PCM1: variants seen among roughly 807,000 people sequenced by gnomAD.
The protein encoded by PCM1 is pericentriolar material 1.
A neutral mutation model predicts 241.9 loss-of-function variants in PCM1; 157 were observed. The observed-to-expected ratio is 0.65, with a 90% CI of 0.57 to 0.74. The LOEUF (loss-of-function observed/expected upper bound fraction) is 0.74. Among genes scored for constraint, PCM1 ranks in the 30% least tolerant of loss-of-function variants. The pLI is 0.00. For missense variants in PCM1, 3,478 were observed against 2,360.1 expected, an observed-to-expected ratio of 1.47 and a Z score of -9.81; for synonymous variants, 1,085 against 784.9, an observed-to-expected ratio of 1.38 and a Z score of -6.39.
intron 17 of PCM1, 93 bp downstream of exon 17, chr8:17,963,384 G>A (rs2073422708): frequency 1.2e-6 from 1 of 804,244 alleles, no homozygotes; most frequent in Non-Finnish European, 1.9e-6. Context: ...CTACATCACA[G>A]CACAAATCTG....
In PCM1 at chr8:18,025,381, A is replaced by G; in HGVS notation, c.5862A>G (p.Ile1954Met). The change falls in exon 37 of 39, where the codon ATA (isoleucine) becomes ATG (methionine). Residue 1954 changes from isoleucine (I) to methionine (M), a missense_variant. Coordinates refer to ENST00000325083, the MANE Select transcript of PCM1 (RefSeq NM_006197.4). The part of the protein sequence containing the change: ...VNDYEAESGN[I>M]SQKSDEEDFV... ...TACAGGAAGCAGAATCTGGTAATAT[A>G]AGTCAAAAGTCTGATGAAGAAGATT... 3 of 1,596,312 alleles carry G rather than the reference A, an allele frequency of 1.9e-6. No homozygotes were observed. The highest frequency in any genetic ancestry group is 2.6e-6 in the Non-Finnish European group (3 of 1,166,900).
At chr8:17,967,240 C>A in intron 21 of PCM1, 70 bp downstream of exon 21, 2 of 1,073,176 alleles carry the variant, frequency 1.9e-6, no homozygotes, top group Non-Finnish European at 2.7e-6. Flanking sequence ...TTGTCTATTG[C>A]CTAGATGTTT....
intron 29 of PCM1, among the ~76,000 whole-genome samples, chr8:17,996,213 A>G (rs1046229869): frequency 3.9e-5 from 6 of 152,158 alleles, no homozygotes; most frequent in African/African-American, 9.7e-5. Flanking sequence ...TGTTTCTTCT[A>G]TACCCAGTTT....
At position 17,934,223 on chromosome 8, in the gene PCM1, G is replaced by A. The variant is rs375492366; in HGVS notation, c.-22-1366G>A. Among the ~76,000 whole-genome samples the A allele has an allele frequency of 2.0e-5, 3 of 151,584 alleles. No individual in the cohort carries two copies. In the East Asian group the frequency reaches 5.8e-4, roughly 29 times the overall value. On this transcript the variant is annotated intron_variant, in intron 2 of 38. Transcript: ENST00000325083. The stretch of plus-strand genomic sequence containing the variant: ...GATGAGTTAGGGTCTTAGAATTAAA[G>A]CAACTTGGATTTTTATCATTATTAC...
rs952181498 is a variant in PCM1, at chr8:18,027,248, G to GTGTT, written c.6050-386_6050-383dup. ...CCTTCTCAGTTGCAGCCTCTTGCAA[G>GTGTT]TGTTTGAACTGCAGCTTCCTCCACT... On this transcript the variant is annotated intron_variant, in intron 38 of 38. Transcript: ENST00000325083. Among the ~76,000 whole-genome samples the GTGTT allele has an allele frequency of 8.8e-5, 13 of 147,810 alleles. No homozygotes were observed. The South Asian group carries it at 1.1e-3, about 12-fold the overall frequency.
intron 1 of PCM1, among the ~76,000 whole-genome samples, chr8:17,923,408 C>T (rs920003112): frequency 3.3e-5 from 5 of 152,188 alleles, no homozygotes; most frequent in African/African-American, 4.8e-5. Context: ...GTGAGCACCT[C>T]GCGACGCGTT....
chr8:18,018,848 GTGTGTATA>G lies in PCM1; in HGVS notation c.5841+4010_5841+4017del, dbSNP rs372942614. On this transcript the variant is annotated intron_variant, in intron 36 of 38. Coordinates refer to ENST00000325083, the MANE Select transcript of PCM1 (RefSeq NM_006197.4). Reference sequence around the variant, plus strand: ...TATGTATATATATATATGTGTGTGTGTGTGTATATATATATATATATATATATATATAC... The same window carrying G: ...TATGTATATATATATATGTGTGTGTGTATATATATATATATATATATATAC... Among the ~76,000 whole-genome samples, 57 of 36,298 alleles carry G rather than the reference GTGTGTATA, an allele frequency of 1.6e-3. 1 individual carries two copies. Among genetic ancestry groups the G allele is most frequent in the African/African-American group, 4.3e-3 (46 of 10,710 alleles). The allele number at this position is 36,298 out of a possible 152,430, so 23.8% of individuals were successfully genotyped here.
chr8:17,955,436 T>TA (rs760781873), intron 9 of PCM1, 34 bp from the exon 10 acceptor site: 5 of 1,501,834 alleles, frequency 3.3e-6, no homozygotes, highest in Admixed American at 2.5e-5. Context: ...AACTGGTGAT[T>TA]AAAAAAAATT....
rs1230436323 is a variant in PCM1, at chr8:17,956,769, T to A, written c.1638T>A (p.Thr546=). The A allele has an allele frequency of 6.2e-7, 1 of 1,605,508 alleles. No homozygotes were observed. Among genetic ancestry groups the A allele is most frequent in the Non-Finnish European group, 8.5e-7 (1 of 1,174,926 alleles). ...AGCATGAAAATTCCGAGCCTGTTAC[T>A]AACATTCGGTAAGAACTTTTCTGGG... ...DSEHENSEPV[T]NIRNPQVAST... Residue 546 remains threonine (T), a synonymous_variant, in exon 11 of 39, where the codon ACT becomes ACA. Coordinates refer to ENST00000325083, the MANE Select transcript of PCM1 (RefSeq NM_006197.4).
chr8:17,951,206 C>T (rs1279000542), intron 8 of PCM1, among the ~76,000 whole-genome samples: 6 of 152,264 alleles, frequency 3.9e-5, no homozygotes, highest in Admixed American at 2.0e-4. Flanking sequence ...TAATTTGATG[C>T]ACTTTGTAAG....
At chr8:17,979,524 C>T (rs1320564534) in intron 23 of PCM1, among the ~76,000 whole-genome samples, 1 of 152,132 alleles carries the variant, frequency 6.6e-6, no homozygotes, top group East Asian at 1.9e-4. Context: ...GAGGAACGCT[C>T]TTCTCATAGT....
rs1201108227 is a variant in PCM1, at chr8:17,964,630, G to T, written c.2717G>T (p.Gly906Val). The T allele has an allele frequency of 3.1e-6, 5 of 1,613,922 alleles. No homozygotes were observed. Among genetic ancestry groups the T allele is most frequent in the Non-Finnish European group, 4.2e-6 (5 of 1,179,858 alleles). The change falls in exon 18 of 39, where the codon GGT (glycine) becomes GTT (valine). Residue 906 changes from glycine to valine, a missense_variant. By Grantham distance (109) the Gly-to-Val change is moderately radical. Transcript: ENST00000325083. The part of the protein sequence containing the change: ...CALDEEGDED[G>V]YLSEGIVRTD... ...CTAGATGAAGAAGGAGATGAAGACG[G>T]TTACCTTTCTGAAGGAATTGTTCGG...
rs2092568259 is a variant in PCM1 at position 18,011,884 on chromosome 8, C to G, written c.5511+57C>G. ...AGCCTTATTTTAACTAATCAAACTT[C>G]CATCAGCCTTATTTTAACTAATCAA... On this transcript the variant is annotated intron_variant, in intron 34 of 38. Transcript: ENST00000325083. The G allele has an allele frequency of 2.1e-6, 3 of 1,447,278 alleles. No homozygotes were observed. In the Admixed American group the frequency reaches 6.4e-5, roughly 31 times the overall value. 89.7% of individuals were successfully genotyped at this position (1,447,278 alleles called of 1,614,324 possible). A position where few individuals can be genotyped will look rare whatever the true frequency, so the allele number is the denominator to read the frequency against.
In PCM1 at chr8:18,011,361, C is replaced by T. The variant is rs1407540819; in HGVS notation, c.5345C>T (p.Ser1782Phe). 1.3e-6 allele frequency: 2 copies of T among 1,586,652 alleles called. No homozygotes were observed. Among genetic ancestry groups the T allele is most frequent in the East Asian group, 2.3e-5 (1 of 44,364 alleles). ...EDEESEGCPV[S>F]INLSKAETQA... ...GAAGAAAGTGAAGGATGTCCAGTGT[C>T]TATTAGTAAGTTTAAAGGCTCTGTA... The change falls in exon 33 of 39, where the codon TCT becomes TTT. Residue 1782 changes from serine (S) to phenylalanine (F), a missense_variant. By Grantham distance (155) the Ser-to-Phe change is radical. Coordinates refer to ENST00000325083, the MANE Select transcript of PCM1 (RefSeq NM_006197.4).
intron 36 of PCM1, among the ~76,000 whole-genome samples, chr8:18,020,292 G>A (rs1257818597): frequency 6.6e-6 from 1 of 152,138 alleles, no homozygotes; most frequent in Non-Finnish European, 1.5e-5. Flanking sequence ...TAAAAGCAGT[G>A]ACAGCAGCAG....
chr8:17,957,485 A>T (rs969385409), intron 12 of PCM1, 55 bp from the exon 13 acceptor site: 3 of 1,605,256 alleles, frequency 1.9e-6, no homozygotes, highest in South Asian at 2.2e-5. Flanking sequence ...GTTTTCGTTC[A>T]TGTGTGCTCT....
intron 24 of PCM1, among the ~76,000 whole-genome samples, chr8:17,982,381 T>C (rs2081160528): frequency 6.6e-6 from 1 of 152,160 alleles, no homozygotes; most frequent in Non-Finnish European, 1.5e-5. Flanking sequence ...ACATAGTACT[T>C]CAGGCCCTAT....
At position 17,948,992 on chromosome 8, in the gene PCM1, G is replaced by C. The variant is rs552715431; in HGVS notation, c.962-1623G>C. ...TTTGTGGCTTGCCTAGATTTATATAGAATTTTAGCAGAATTACATTTCTTG... is the reference window on the plus strand; with the variant it reads ...TTTGTGGCTTGCCTAGATTTATATACAATTTTAGCAGAATTACATTTCTTG... On this transcript the variant is annotated intron_variant, in intron 7 of 38. Transcript: ENST00000325083. Among the ~76,000 whole-genome samples the C allele has an allele frequency of 4.6e-5, 7 of 152,222 alleles. No individual in the cohort carries two copies. In the South Asian group the frequency reaches 1.0e-3, roughly 23 times the overall value.
In PCM1 at chr8:17,989,958, CCT is replaced by C; in HGVS notation, c.4511_4512del (p.Pro1504LeufsTer5). Reference sequence around the variant, plus strand: ...CCTGTCTGTATCATCAAATTTTGAGCCTTTTGCAACAGATGATCTAGGTAAGC... The same window carrying C: ...CCTGTCTGTATCATCAAATTTTGAGCTTTGCAACAGATGATCTAGGTAAGC... ...SVLSVSSNFE[P>X]FATDDLGNTV... On this transcript the variant is annotated frameshift_variant, in exon 27 of 39. Coordinates refer to ENST00000325083, the MANE Select transcript of PCM1 (RefSeq NM_006197.4). LOFTEE classifies it high-confidence loss of function. 6.5e-7 allele frequency: 1 copy of C among 1,532,638 alleles called. No homozygotes were observed. The highest frequency in any genetic ancestry group is 1.3e-5 in the South Asian group (1 of 79,348). The allele number at this position is 1,532,638 out of a possible 1,614,324, so 94.9% of individuals were successfully genotyped here.
Sources: gnomAD v4.1 joint callset for allele counts (sites outside exome capture counted in the v4.1 genomes callset) on GRCh38, gnomAD v4.1.1 for gene constraint, MANE v1.5 for transcripts, NCBI Gene and HGNC (gene_info 2026-07-23, HGNC 2026-07-21) for gene names.